The following MYT1L variants were observed in gnomAD, a reference collection of about 807,000 sequenced individuals.
MYT1L encodes myelin transcription factor 1-like protein.
Under a neutral mutation model 126.7 loss-of-function variants are expected in MYT1L, and 12 were observed. The ratio of observed to expected loss-of-function variants is 0.09; its 90% CI spans 0.06 to 0.15. The LOEUF is 0.15. Ranked by LOEUF, MYT1L falls within the 10% of genes least tolerant of loss-of-function variation. The probability of loss-of-function intolerance (pLI) is 1.00; values close to 1 mark genes in which losing one functional copy is unlikely to be tolerated. For synonymous variants in MYT1L, 541 were observed against 604.2 expected, an observed-to-expected ratio of 0.90 and a Z score of 1.53; for missense variants, 979 against 1,585.2, an observed-to-expected ratio of 0.62 and a Z score of 6.49.
At chr2:2,094,095 C>T (rs1272034411) in intron 3 of MYT1L, among the ~76,000 whole-genome samples, 1 of 152,100 alleles carries the variant, frequency 6.6e-6, no homozygotes, top group Non-Finnish European at 1.5e-5. Context: ...TTACTGTAGC[C>T]TTGTAGTATA....
At chr2:2,274,526 C>T (rs2095323121) in intron 2 of MYT1L, among the ~76,000 whole-genome samples, 1 of 152,116 alleles carries the variant, frequency 6.6e-6, no homozygotes, top group East Asian at 1.9e-4. Context: ...AGACTCTTAG[C>T]CTCTATTGCT....
intron 13 of MYT1L, among the ~76,000 whole-genome samples, chr2:1,909,412 G>C (rs915083333): frequency 6.6e-6 from 1 of 152,200 alleles, no homozygotes; most frequent in African/African-American, 2.4e-5. Flanking sequence ...ATACGTAGCT[G>C]TGAAGATGAC....
At chr2:2,248,594 G>A (rs1160428342) in intron 2 of MYT1L, among the ~76,000 whole-genome samples, 1 of 152,044 alleles carries the variant, frequency 6.6e-6, no homozygotes, top group Non-Finnish European at 1.5e-5. Context: ...AGGCCAATAT[G>A]TCTGATAAAT....
intron 2 of MYT1L, among the ~76,000 whole-genome samples, chr2:2,239,619 C>A (rs1195075858): frequency 1.3e-5 from 2 of 152,338 alleles, no homozygotes; most frequent in Admixed American, 1.3e-4. Flanking sequence ...TGCCGTCAAC[C>A]TAAGACTGGC....
intron 3 of MYT1L, among the ~76,000 whole-genome samples, chr2:2,107,369 C>T (rs2078875826): frequency 6.6e-6 from 1 of 152,214 alleles, no homozygotes; most frequent in Non-Finnish European, 1.5e-5. Context: ...TGTTCATGTG[C>T]ATATTGGCTG....
chr2:2,096,050 C>A (rs1311235726), intron 3 of MYT1L, among the ~76,000 whole-genome samples: 1 of 152,202 alleles, frequency 6.6e-6, no homozygotes, highest in Non-Finnish European at 1.5e-5. Flanking sequence ...AATAATTGAG[C>A]TCATAATTTA....
chr2:1,937,679 G>A (rs2056146089), intron 9 of MYT1L, among the ~76,000 whole-genome samples: 1 of 151,380 alleles, frequency 6.6e-6, no homozygotes, highest in African/African-American at 2.4e-5. Flanking sequence ...ACATCGAGAA[G>A]GCCCTAATGT....
intron 8 of MYT1L, among the ~76,000 whole-genome samples, chr2:1,956,446 C>CT (rs377012814): frequency 6.4e-5 from 9 of 140,132 alleles, no homozygotes; most frequent in Non-Finnish European, 1.1e-4. Context: ...ATCTACCTAT[C>CT]ATCTATCTAT....
intron 3 of MYT1L, among the ~76,000 whole-genome samples, chr2:2,104,014 A>T (rs1575179645): frequency 6.6e-6 from 1 of 152,212 alleles, no homozygotes; most frequent in East Asian, 1.9e-4. Context: ...GGCTCTCAGT[A>T]GCATTTGTGA....
chr2:1,895,468 G>A (rs552457666), intron 14 of MYT1L, among the ~76,000 whole-genome samples: 1 of 152,292 alleles, frequency 6.6e-6, no homozygotes, highest in East Asian at 1.9e-4. Context: ...ACACGATAAG[G>A]CTACAGTAAC....
chr2:1,999,624 A>T lies in MYT1L; in HGVS notation c.-157-2277T>A, dbSNP rs376186014. On this transcript the variant is annotated intron_variant, in intron 4 of 24. Transcript: ENST00000647738. ...TACCACCCCAAAGGTCAATAAATGG[A>T]AAACTCAACATAATCTATTAAAATA... 2.0e-5 allele frequency among the ~76,000 whole-genome samples: 3 copies of T among 152,234 alleles called. No homozygotes were observed. The South Asian group carries it at 6.2e-4, about 32-fold the overall frequency.
chr2:2,207,192 A>G (rs1440927936), intron 2 of MYT1L, among the ~76,000 whole-genome samples: 2 of 152,234 alleles, frequency 1.3e-5, no homozygotes, highest in African/African-American at 2.4e-5. Flanking sequence ...GGATTTATTC[A>G]TTCTAATTTG....
At chr2:1,904,263 G>A (rs940061598) in intron 13 of MYT1L, among the ~76,000 whole-genome samples, 1 of 152,150 alleles carries the variant, frequency 6.6e-6, no homozygotes, top group South Asian at 2.1e-4. Context: ...CCTGCGTTCT[G>A]TCCTCCCCCT....
intron 3 of MYT1L, among the ~76,000 whole-genome samples, chr2:2,105,622 G>A (rs73911358): frequency 0.019 from 2,954 of 152,248 alleles, 84 homozygotes; most frequent in African/African-American, 0.064. Flanking sequence ...TGGAGACAAT[G>A]TTGTCCTTGC....
chr2:2,092,128 T>C (rs887902443), intron 3 of MYT1L, among the ~76,000 whole-genome samples: 7 of 152,344 alleles, frequency 4.6e-5, no homozygotes, highest in African/African-American at 1.7e-4. Context: ...AATCTAGCTT[T>C]TGACCTGTCT....
intron 4 of MYT1L, among the ~76,000 whole-genome samples, chr2:2,004,570 T>TTC (rs2062938394): frequency 1.3e-5 from 1 of 75,084 alleles, no homozygotes; most frequent in African/African-American, 5.4e-5. Flanking sequence ...TGCCTTCTCT[T>TTC]CTGCAGGCGT....
intron 8 of MYT1L, among the ~76,000 whole-genome samples, chr2:1,960,672 A>G (rs904473560): frequency 6.6e-6 from 1 of 152,126 alleles, no homozygotes; most frequent in Admixed American, 6.5e-5. Flanking sequence ...CAGGATGCCC[A>G]TGTCCCTGGG....
chr2:2,242,957 A>G (rs1296418676), intron 2 of MYT1L, among the ~76,000 whole-genome samples: 1 of 152,112 alleles, frequency 6.6e-6, no homozygotes, highest in Non-Finnish European at 1.5e-5. Context: ...TTAGCAATGA[A>G]GAGGACAGAA....
chr2:2,042,081 G>T (rs1436886534), intron 4 of MYT1L, among the ~76,000 whole-genome samples: 2 of 152,160 alleles, frequency 1.3e-5, no homozygotes, highest in African/African-American at 2.4e-5. Context: ...GACATTCAGT[G>T]GCAAGGGAAG....
Sources: allele counts gnomAD v4.1 joint callset (sites outside exome capture counted in the v4.1 genomes callset), GRCh38; gene constraint gnomAD v4.1.1; transcripts MANE v1.5; gene names NCBI Gene and HGNC (gene_info 2026-07-23, HGNC 2026-07-21).